ABI3BP: variants seen among roughly 807,000 people sequenced by gnomAD.
ABI3BP encodes the protein target of Nesh-SH3.
Under a neutral mutation model 268.6 loss-of-function variants are expected in ABI3BP, and 216 were observed. The observed-to-expected ratio is 0.80, with a 90% CI of 0.72 to 0.90. The LOEUF is 0.90. Ranked by LOEUF, ABI3BP falls within the 40% of genes least tolerant of loss-of-function variation. ABI3BP has a pLI of 0.00. For missense variants in ABI3BP, 2,090 were observed against 2,182.4 expected (o/e 0.96, Z 0.84); for synonymous variants, 730 against 730.0 (o/e 1.00, Z 0.00).
chr3:100,949,015 T>C (rs989806097), intron 1 of ABI3BP, among the ~76,000 whole-genome samples: 1 of 152,188 alleles, frequency 6.6e-6, no homozygotes, highest in Non-Finnish European at 1.5e-5. Context: ...TTCTTCCAGA[T>C]AGTTTTTCCT....
In ABI3BP at chr3:100,874,878, T is replaced by C; in HGVS notation, c.873A>G (p.Leu291=). ...TGAGTGCATCTGAAATCTCAAACAT[T>C]AGGGATGCAGGAAGTTTTACAGTAG... ...NETTVKLPAS[L]MFEISDALKT... is the part of the protein sequence containing the mutation. The change falls in exon 9 of 68, where the codon CTA becomes CTG. Residue 291 remains leucine, a synonymous_variant. Transcript: ENST00000471714. 1.9e-6 allele frequency: 3 copies of C among 1,601,258 alleles called. No homozygotes were observed. Among genetic ancestry groups the C allele is most frequent in the Non-Finnish European group, 2.6e-6 (3 of 1,172,902 alleles).
intron 2 of ABI3BP, among the ~76,000 whole-genome samples, chr3:100,912,579 A>G (rs1056600758): frequency 6.6e-6 from 1 of 152,160 alleles, no homozygotes; most frequent in Non-Finnish European, 1.5e-5. Flanking sequence ...GGAAATCTCC[A>G]TAACAGAAAT....
chr3:100,818,424 C>A (rs1361509977), intron 41 of ABI3BP, 101 bp downstream of exon 41: 1 of 1,009,410 alleles, frequency 9.9e-7, no homozygotes, highest in African/African-American at 1.6e-5. Flanking sequence ...GGAATGATGA[C>A]AAAGAATGAC....
At chr3:100,954,435 G>A (rs1223312870) in intron 1 of ABI3BP, among the ~76,000 whole-genome samples, 1 of 151,976 alleles carries the variant, frequency 6.6e-6, no homozygotes, top group African/African-American at 2.4e-5. Flanking sequence ...TCAATTTAAG[G>A]CTTATTTTCA....
rs1162178722 is a variant in ABI3BP at position 100,993,417 on chromosome 3, C to A, written c.-33G>T. On this transcript the variant is annotated 5_prime_UTR_variant, in exon 1 of 68. Transcript: ENST00000471714. ...TTGCCACCTCGCATGGGGAATGATG[C>A]TGGTGGGTGCCTCGCAACCCTGGAG... The A allele has an allele frequency of 6.5e-7, 1 of 1,537,878 alleles. No individual in the cohort carries two copies. The highest frequency in any genetic ancestry group is 8.8e-7 in the Non-Finnish European group (1 of 1,134,766).
chr3:100,776,860 C>G (rs1428726495), intron 59 of ABI3BP, among the ~76,000 whole-genome samples: 1 of 152,210 alleles, frequency 6.6e-6, no homozygotes, highest in Non-Finnish European at 1.5e-5. Context: ...CAAACAGCTC[C>G]TTAAGGCACA....
At chr3:100,818,378 C>G (rs535585098) in intron 41 of ABI3BP, 147 bp downstream of exon 41, 1 of 729,170 alleles carries the variant, frequency 1.4e-6, no homozygotes, top group Non-Finnish European at 2.2e-6. Context: ...TAATGTGACA[C>G]AGAGCCTAGC....
Position 100,828,443 on chromosome 3 carries a change from GT to G in ABI3BP, c.2551del (p.Thr851GlnfsTer9). 1 of 1,535,020 alleles carries G rather than the reference GT, an allele frequency of 6.5e-7. No homozygotes were observed. Among genetic ancestry groups the G allele is most frequent in the Non-Finnish European group, 8.7e-7 (1 of 1,146,180 alleles). ...TATAGGAGAAACTGGTTCAAAGATT[GT>G]AGCAGGAACTGGCCAAAAATAATAA... is the stretch of plus-strand genomic sequence containing the variant. ...EELQTELVPA[T>X]IFEPVSPIKE... is the part of the protein sequence containing the mutation. On this transcript the variant is annotated frameshift_variant, in exon 34 of 68. Coordinates refer to ENST00000471714, the MANE Select transcript of ABI3BP (RefSeq NM_001375547.2). LOFTEE classifies it high-confidence loss of function.
At chr3:100,839,005 G>A (rs1454439531) in intron 24 of ABI3BP, among the ~76,000 whole-genome samples, 2 of 152,056 alleles carry the variant, frequency 1.3e-5, no homozygotes, top group Non-Finnish European at 2.9e-5. Context: ...AACCAGTTTG[G>A]GACTTTTAAT....
chr3:100,750,615 G>GAGAGA lies in ABI3BP; in HGVS notation c.5246-10_5246-6dup. On this transcript the variant is annotated splice_region_variant and splice_polypyrimidine_tract_variant and intron_variant, in intron 67 of 67. Transcript: ENST00000471714. ...GGCGAACTGCTCTGAAATAACCTGA[G>GAGAGA]AGAGAAAATAGTTTCATTTTAATAG... The GAGAGA allele has an allele frequency of 2.5e-6, 4 of 1,602,104 alleles. No homozygotes were observed. In the South Asian group the frequency reaches 4.4e-5, roughly 18 times the overall value.
intron 4 of ABI3BP, among the ~76,000 whole-genome samples, chr3:100,892,613 C>G (rs2045268639): frequency 6.6e-6 from 1 of 152,194 alleles, no homozygotes; most frequent in African/African-American, 2.4e-5. Context: ...CATTTACATA[C>G]TTGCCACTTC....
At chr3:100,854,188 T>TAAA (rs56306514) in intron 14 of ABI3BP, among the ~76,000 whole-genome samples, 4,806 of 128,856 alleles carry the variant, frequency 0.037, 142 homozygotes, top group Non-Finnish European at 0.052. Flanking sequence ...CTGTCTCTAC[T>TAAA]AAAAAAAAAA....
chr3:100,963,755 C>T (rs989268490), intron 1 of ABI3BP, among the ~76,000 whole-genome samples: 5 of 152,188 alleles, frequency 3.3e-5, no homozygotes, highest in African/African-American at 1.2e-4. Context: ...TTACCTGCTC[C>T]ATCCACAGTA....
chr3:100,838,583 G>A lies in ABI3BP; in HGVS notation c.1946-119C>T, dbSNP rs2098642054. 3 of 849,684 alleles carry A rather than the reference G, an allele frequency of 3.5e-6. No individual in the cohort carries two copies. In the African/African-American group the frequency reaches 5.1e-5, roughly 14 times the overall value. The allele number at this position is 849,684 out of a possible 1,614,324, so 52.6% of individuals were successfully genotyped here. On this transcript the variant is annotated intron_variant, in intron 24 of 67. Coordinates refer to ENST00000471714, the MANE Select transcript of ABI3BP (RefSeq NM_001375547.2). ...TCAACGAATCTATAAACATTTCTGG[G>A]GTGTGGGAAGGGTGAAAAGAGTGTC... is the stretch of plus-strand genomic sequence containing the variant.
chr3:100,830,132 T>C (rs867578647), intron 32 of ABI3BP, among the ~76,000 whole-genome samples: 30 of 51,236 alleles, frequency 5.9e-4, no homozygotes, highest in South Asian at 1.0e-3. Context: ...TATATATATA[T>C]ATATATATAT....
chr3:100,878,607 A>T (rs553192296), intron 6 of ABI3BP, among the ~76,000 whole-genome samples: 1 of 152,318 alleles, frequency 6.6e-6, no homozygotes. Context: ...AAAAAATACC[A>T]AACTCTCAGC....
At chr3:100,982,138 A>G (rs980322354) in intron 1 of ABI3BP, among the ~76,000 whole-genome samples, 1 of 151,996 alleles carries the variant, frequency 6.6e-6, no homozygotes, top group African/African-American at 2.4e-5. Context: ...TAAAACCATC[A>G]TCTCTCCTGA....
intron 29 of ABI3BP, 57 bp from the exon 30 acceptor site, chr3:100,833,214 A>C: frequency 6.9e-7 from 1 of 1,443,030 alleles, no homozygotes; most frequent in Non-Finnish European, 9.4e-7. Context: ...TAAACACACG[A>C]GAAAAGCCAT....
At position 100,894,958 on chromosome 3, in the gene ABI3BP, A is replaced by G. The variant is rs1443926157; in HGVS notation, c.461+3804T>C. Among the ~76,000 whole-genome samples the G allele has an allele frequency of 6.2e-5, 9 of 144,186 alleles. 1 individual carries two copies. The highest frequency in any genetic ancestry group is 1.1e-4 in the Non-Finnish European group (7 of 65,484). The allele number at this position is 144,186 out of a possible 152,430, so 94.6% of individuals were successfully genotyped here. ...CGCTTCAAAAAAAAAAAAAAAAAAAAAAAAAAAAACAGAAAAAAAAAACAC... is the reference window on the plus strand; with the variant it reads ...CGCTTCAAAAAAAAAAAAAAAAAAAGAAAAAAAAACAGAAAAAAAAAACAC... On this transcript the variant is annotated intron_variant, in intron 4 of 67. Coordinates refer to ENST00000471714, the MANE Select transcript of ABI3BP (RefSeq NM_001375547.2).
Sources: allele counts gnomAD v4.1 joint callset (sites outside exome capture counted in the v4.1 genomes callset), GRCh38; gene constraint gnomAD v4.1.1; transcripts MANE v1.5; gene names NCBI Gene and HGNC (gene_info 2026-07-23, HGNC 2026-07-21).